The following NDST4 variants were observed in gnomAD, a reference collection of about 807,000 sequenced individuals.
NDST4 encodes the protein N-heparan sulfate sulfotransferase 4.
NDST4 carries 63 observed loss-of-function variants against 100.8 expected under a neutral mutation model. That is an observed-to-expected ratio of 0.62 (90% confidence interval 0.51 to 0.77). The LOEUF (loss-of-function observed/expected upper bound fraction) is 0.77, where lower values mean the gene tolerates loss of function less well. Ranked by LOEUF, NDST4 falls within the 30% of genes least tolerant of loss-of-function variation. The probability of loss-of-function intolerance (pLI) is 0.00; values close to 1 mark genes in which losing one functional copy is unlikely to be tolerated. For missense variants in NDST4, 943 were observed against 1,018.4 expected, an observed-to-expected ratio of 0.93 and a Z score of 1.01; for synonymous variants, 377 against 361.8, an observed-to-expected ratio of 1.04 and a Z score of -0.48.
At chr4:114,873,009 T>A (rs1265152064) in intron 6 of NDST4, among the ~76,000 whole-genome samples, 1 of 151,932 alleles carries the variant, frequency 6.6e-6, no homozygotes, top group African/African-American at 2.4e-5. Context: ...AGTATTATCC[T>A]GGCAGCTGAA....
At chr4:114,842,650 A>AAAAAAAAAAAAAAAAAAAG (rs1723453028) in intron 10 of NDST4, 1 of 248,742 alleles carries the variant, frequency 4.0e-6, no homozygotes, top group African/African-American at 2.9e-5. Flanking sequence ...AAAAAAAAAA[A>AAAAAAAAAAAAAAAAAAAG]ATTAGCCAGG....
intron 6 of NDST4, among the ~76,000 whole-genome samples, chr4:114,896,939 C>T (rs1031624463): frequency 1.3e-5 from 2 of 152,038 alleles, no homozygotes; most frequent in African/African-American, 2.4e-5. Context: ...GATCAATTTT[C>T]GGTTCAGAGC....
chr4:115,093,291 C>A (rs976210984), intron 1 of NDST4, among the ~76,000 whole-genome samples: 9 of 151,922 alleles, frequency 5.9e-5, no homozygotes, highest in Admixed American at 3.3e-4. Flanking sequence ...CTGGCTAACA[C>A]GGTGAAACCC....
rs957155676 is a variant in NDST4 at position 114,988,392 on chromosome 4, C to T, written c.979-11118G>A. 4.6e-5 allele frequency among the ~76,000 whole-genome samples: 5 copies of T among 108,666 alleles called. No individual in the cohort carries two copies. The South Asian group carries it at 1.3e-3, about 28-fold the overall frequency. 71.3% of individuals were successfully genotyped at this position (108,666 alleles called of 152,430 possible). On this transcript the variant is annotated intron_variant, in intron 2 of 13. Transcript: ENST00000264363. ...TTTTTTTTTTTTTGAGACAGAGTCT[C>T]GATCTGTAGCCCAGGCTGGAGTGCA... is the stretch of plus-strand genomic sequence containing the variant.
chr4:115,072,055 T>A (rs895887770), intron 2 of NDST4, among the ~76,000 whole-genome samples: 5 of 151,834 alleles, frequency 3.3e-5, no homozygotes, highest in African/African-American at 1.2e-4. Flanking sequence ...ACTGCTCAAA[T>A]CTAAGGAAAA....
chr4:115,059,453 G>T (rs529351176), intron 2 of NDST4, among the ~76,000 whole-genome samples: 18 of 152,100 alleles, frequency 1.2e-4, no homozygotes, highest in Non-Finnish European at 2.4e-4. Flanking sequence ...TTTACAAGGA[G>T]AATTACAAAG....
chr4:115,085,909 T>C (rs1356574493), intron 1 of NDST4, among the ~76,000 whole-genome samples: 2 of 152,222 alleles, frequency 1.3e-5, no homozygotes, highest in African/African-American at 4.8e-5. Flanking sequence ...ATACTTCATG[T>C]ACAGCAGAGG....
At chr4:115,082,444 T>G (rs1729322995) in intron 1 of NDST4, among the ~76,000 whole-genome samples, 1 of 152,116 alleles carries the variant, frequency 6.6e-6, no homozygotes, top group Admixed American at 6.6e-5. Context: ...TTATTGCTAC[T>G]TTTGGAAAGG....
intron 2 of NDST4, among the ~76,000 whole-genome samples, chr4:115,015,639 T>C (rs901456871): frequency 6.6e-6 from 1 of 151,984 alleles, no homozygotes; most frequent in Non-Finnish European, 1.5e-5. Context: ...CACTAAAGGG[T>C]GACCTCAGCA....
At chr4:115,096,389 G>C (rs544574224) in intron 1 of NDST4, among the ~76,000 whole-genome samples, 1 of 152,042 alleles carries the variant, frequency 6.6e-6, no homozygotes, top group Admixed American at 6.6e-5. Context: ...TCTCCTAGAT[G>C]ACTGTTTCAT....
At chr4:114,967,067 TTGA>T (rs1726399396) in intron 4 of NDST4, among the ~76,000 whole-genome samples, 1 of 152,120 alleles carries the variant, frequency 6.6e-6, no homozygotes, top group East Asian at 1.9e-4. Context: ...CTTGATACTG[TTGA>T]TGGCTCTAAA....
At chr4:114,840,929 A>G (rs1009890044) in intron 10 of NDST4, among the ~76,000 whole-genome samples, 5 of 152,146 alleles carry the variant, frequency 3.3e-5, no homozygotes, top group African/African-American at 1.2e-4. Context: ...TTGTTGTTGT[A>G]TATTTATTGA....
chr4:115,029,877 G>A (rs553949626), intron 2 of NDST4, among the ~76,000 whole-genome samples: 1 of 152,214 alleles, frequency 6.6e-6, no homozygotes, highest in East Asian at 1.9e-4. Context: ...GGTTGACTGT[G>A]TATGCAAGTT....
chr4:114,923,737 A>G lies in NDST4; in HGVS notation c.1536+11469T>C, dbSNP rs79136044. On this transcript the variant is annotated intron_variant, in intron 6 of 13. Transcript: ENST00000264363. ...TTGCATGCCCCAAAATATATAGAGAAAAAAGGTTTTATCTGCTGACTAACA... is the reference window on the plus strand; with the variant it reads ...TTGCATGCCCCAAAATATATAGAGAGAAAAGGTTTTATCTGCTGACTAACA... Among the ~76,000 whole-genome samples, 1,253 of 152,124 alleles carry G rather than the reference A, an allele frequency of 8.2e-3. 14 individuals are homozygous for G. The highest frequency in any genetic ancestry group is 0.024 in the African/African-American group (1,004 of 41,500).
chr4:114,886,414 G>C (rs1277856724), intron 6 of NDST4, among the ~76,000 whole-genome samples: 1 of 152,084 alleles, frequency 6.6e-6, no homozygotes, highest in Non-Finnish European at 1.5e-5. Flanking sequence ...GAACTCTTTA[G>C]ACGGAGGCAG....
intron 2 of NDST4, 75 bp from the exon 3 acceptor site, chr4:114,977,349 G>T: frequency 1.1e-6 from 1 of 878,792 alleles, no homozygotes; most frequent in Non-Finnish European, 1.8e-6. Context: ...TTGCAAATGT[G>T]TATGCATGAG....
intron 6 of NDST4, among the ~76,000 whole-genome samples, chr4:114,933,769 A>G (rs1007542865): frequency 6.6e-6 from 1 of 152,172 alleles, no homozygotes; most frequent in African/African-American, 2.4e-5. Flanking sequence ...AACATCATTC[A>G]TCATCAGGGA....
intron 5 of NDST4, 30 bp downstream of exon 5, chr4:114,937,288 C>T (rs754008896): frequency 6.2e-7 from 1 of 1,607,628 alleles, no homozygotes; most frequent in Non-Finnish European, 8.5e-7. Flanking sequence ...ATATTAACAT[C>T]CTTCAATATA....
intron 6 of NDST4, among the ~76,000 whole-genome samples, chr4:114,928,682 T>C (rs1391360148): frequency 6.6e-6 from 1 of 152,130 alleles, no homozygotes; most frequent in Non-Finnish European, 1.5e-5. Flanking sequence ...GCACAACCCC[T>C]GTATTGGGTA....
Sources: gnomAD v4.1 joint callset for allele counts (sites outside exome capture counted in the v4.1 genomes callset) on GRCh38, gnomAD v4.1.1 for gene constraint, MANE v1.5 for transcripts, NCBI Gene and HGNC (gene_info 2026-07-23, HGNC 2026-07-21) for gene names.